LYST: variants seen among roughly 807,000 people sequenced by gnomAD.
LYST encodes lysosomal trafficking regulator, also known as lysosomal-trafficking regulator.
In LYST, 192 loss-of-function variants were observed where a neutral mutation model predicts 413.6. The observed-to-expected ratio is 0.46, with a 90% confidence interval of 0.41 to 0.52. The LOEUF is 0.52. LYST is among the 20% of genes least tolerant of loss of function. LYST has a pLI of 0.00. For synonymous variants in LYST, 1,525 were observed against 1,567.3 expected (o/e 0.97, Z 0.64); for missense variants, 3,815 against 4,499.9 (o/e 0.85, Z 4.35).
intron 1 of LYST, among the ~76,000 whole-genome samples, chr1:235,837,792 C>T (rs1015372849): frequency 1.3e-5 from 2 of 151,346 alleles, no homozygotes; most frequent in Admixed American, 6.6e-5. Flanking sequence ...TTAAACAGCT[C>T]TTTTGAGAAG....
chr1:235,875,865 G>T (rs377597379), intron 1 of LYST, among the ~76,000 whole-genome samples: 30 of 152,108 alleles, frequency 2.0e-4, no homozygotes, highest in African/African-American at 7.0e-4. Context: ...CAAACAAACT[G>T]CATTGAATGT....
At chr1:235,830,153 T>C in intron 3 of LYST, 73 bp downstream of exon 3, 1 of 1,177,772 alleles carries the variant, frequency 8.5e-7, no homozygotes, top group Non-Finnish European at 1.3e-6. Context: ...AGAAACTATG[T>C]AATCCAAAAC....
At chr1:235,666,262 ACACAC>A (rs1658453186) in intron 50 of LYST, among the ~76,000 whole-genome samples, 1 of 127,398 alleles carries the variant, frequency 7.8e-6, no homozygotes, top group African/African-American at 3.3e-5. Flanking sequence ...ACACACACAC[ACACAC>A]ACAATTTTCT....
In LYST at chr1:235,759,283, G is replaced by A. The variant is rs1572170906; in HGVS notation, c.6570C>T (p.Val2190=). The A allele has an allele frequency of 5.6e-6, 9 of 1,614,116 alleles. No homozygotes were observed. The highest frequency in any genetic ancestry group is 1.7e-4 in the Middle Eastern group (1 of 6,058). Residue 2190 remains valine, a synonymous_variant, in exon 23 of 53, where the codon GTC becomes GTT. Coordinates refer to ENST00000389793, the MANE Select transcript of LYST (RefSeq NM_000081.4). ...VLSAQVSVSD[V]PKGVLGFPVV... is the part of the protein sequence containing the mutation. ...CTGGAAATCCCAGCACTCCCTTTGG[G>A]ACATCACTGACAGAGACCTGGGCTG...
chr1:235,804,786 T>C, intron 6 of LYST, 121 bp from the exon 7 acceptor site: 1 of 652,428 alleles, frequency 1.5e-6, no homozygotes, highest in South Asian at 1.9e-5. Context: ...GCAGTTGATA[T>C]GAAAGCAAAA....
intron 12 of LYST, among the ~76,000 whole-genome samples, chr1:235,790,637 C>A (rs774492572): frequency 1.3e-5 from 2 of 152,142 alleles, no homozygotes; most frequent in African/African-American, 2.4e-5. Flanking sequence ...ACATATAAAA[C>A]CCTAAACATC....
rs1273842653 is a variant in LYST at position 235,664,372 on chromosome 1, A to G, written c.11195+93T>C. The G allele has an allele frequency of 1.7e-6, 2 of 1,177,242 alleles. No homozygotes were observed. The highest frequency in any genetic ancestry group is 2.5e-6 in the Non-Finnish European group (2 of 801,354). The allele number at this position is 1,177,242 out of a possible 1,614,324, so 72.9% of individuals were successfully genotyped here. ...GGTGAGTTTAAATCTCTAAATACTG[A>G]ATATTAATATGCCTAGATATTAAAA... On this transcript the variant is annotated intron_variant, in intron 51 of 52. Coordinates refer to ENST00000389793, the MANE Select transcript of LYST (RefSeq NM_000081.4). The surrounding 1 kb of genome is among the most constrained non-coding windows in gnomAD (Gnocchi z 4.5).
intron 1 of LYST, among the ~76,000 whole-genome samples, chr1:235,864,991 T>C (rs890675107): frequency 1.3e-5 from 2 of 151,660 alleles, no homozygotes; most frequent in African/African-American, 2.4e-5. Flanking sequence ...CCACTGAGAG[T>C]AGAAACTCAA....
chr1:235,773,633 A>G (rs1668932114), intron 19 of LYST, among the ~76,000 whole-genome samples: 1 of 152,178 alleles, frequency 6.6e-6, no homozygotes. Context: ...GGGCTAGAGA[A>G]AGAGGGAGAA....
intron 40 of LYST, among the ~76,000 whole-genome samples, chr1:235,720,052 G>A (rs928270402): frequency 4.0e-5 from 6 of 151,186 alleles, no homozygotes; most frequent in Non-Finnish European, 7.4e-5. Context: ...GGCAGGTGCC[G>A]GCAGTCCCAG....
At chr1:235,750,168 T>TA (rs1666347914) in intron 28 of LYST, among the ~76,000 whole-genome samples, 1 of 152,098 alleles carries the variant, frequency 6.6e-6, no homozygotes, top group Admixed American at 6.5e-5. Context: ...CTAGAACTGA[T>TA]AAAGAATCTG....
At chr1:235,747,146 G>T in intron 28 of LYST, 1 of 370,140 alleles carries the variant, frequency 2.7e-6, no homozygotes, top group Non-Finnish European at 5.5e-6. Context: ...AGAGAGGAGT[G>T]GCATTCCTGC....
intron 44 of LYST, among the ~76,000 whole-genome samples, chr1:235,706,692 T>C (rs941071607): frequency 1.3e-5 from 2 of 152,210 alleles, no homozygotes; most frequent in Non-Finnish European, 2.9e-5. Flanking sequence ...TGTAAAGTTG[T>C]TATTCACCAA....
intron 1 of LYST, among the ~76,000 whole-genome samples, chr1:235,875,815 C>A (rs1007453125): frequency 6.6e-6 from 1 of 152,174 alleles, no homozygotes; most frequent in African/African-American, 2.4e-5. Context: ...GCCTGGGTGA[C>A]AGAGCGAGAC....
At chr1:235,681,143 G>T (rs941507632) in intron 48 of LYST, among the ~76,000 whole-genome samples, 14 of 152,162 alleles carry the variant, frequency 9.2e-5, no homozygotes, top group African/African-American at 3.1e-4. Flanking sequence ...GGGACAGGGA[G>T]TGAAAGGAGG....
At chr1:235,823,170 G>A (rs1378166706) in intron 3 of LYST, among the ~76,000 whole-genome samples, 1 of 152,108 alleles carries the variant, frequency 6.6e-6, no homozygotes, top group East Asian at 1.9e-4. Context: ...TAATTAAAAC[G>A]GGAATAATTC....
At chr1:235,859,891 A>G (rs1679660662) in intron 1 of LYST, among the ~76,000 whole-genome samples, 1 of 152,344 alleles carries the variant, frequency 6.6e-6, no homozygotes, top group East Asian at 1.9e-4. Flanking sequence ...GTAGTACTAT[A>G]CAAAGAGTAT....
At chr1:235,816,308 C>T (rs1039730009) in intron 3 of LYST, among the ~76,000 whole-genome samples, 2 of 149,834 alleles carry the variant, frequency 1.3e-5, no homozygotes, top group Non-Finnish European at 3.0e-5. Flanking sequence ...AGGCATGATG[C>T]CATGTGCCTG....
Position 235,762,792 on chromosome 1 carries a change from C to T in LYST, c.6181G>A (p.Gly2061Arg), listed in dbSNP as rs745789615. The T allele has an allele frequency of 8.1e-6, 13 of 1,612,826 alleles. No homozygotes were observed. In the South Asian group the frequency reaches 1.4e-4, roughly 18 times the overall value. Reference protein sequence around the residue: ...SIMYLRHSSSGGRSLMSPGFM... With the variant: ...SIMYLRHSSSRGRSLMSPGFM... ...CCAGGGCTCATAAGGGACCTTCCTC[C>T]ACTGCTGGAATGCCTCAGGTACATG... The change falls in exon 22 of 53, where the codon GGA becomes AGA. Residue 2061 changes from glycine to arginine, a missense_variant. Gly to Arg is a moderately radical substitution (Grantham distance 125). Transcript: ENST00000389793.
Sources: allele counts gnomAD v4.1 joint callset (sites outside exome capture counted in the v4.1 genomes callset), GRCh38; gene constraint gnomAD v4.1.1; non-coding constraint Gnocchi (gnomAD v3.1); transcripts MANE v1.5; gene names NCBI Gene and HGNC (gene_info 2026-07-23, HGNC 2026-07-21).